The following TJAP1 variants were observed in gnomAD, a reference collection of about 807,000 sequenced individuals.
TJAP1 encodes the protein tight junction associated protein 1, also known as tight junction-associated protein 1.
Under a neutral mutation model 42.0 loss-of-function variants are expected in TJAP1, and 27 were observed. The ratio of observed to expected loss-of-function variants is 0.64; its 90% CI spans 0.47 to 0.89. TJAP1 has a LOEUF of 0.89. Ranked by LOEUF, TJAP1 falls within the 40% of genes least tolerant of loss-of-function variation. The probability of loss-of-function intolerance (pLI) is 0.00; values close to 1 mark genes in which losing one functional copy is unlikely to be tolerated. For missense variants in TJAP1, 712 were observed against 726.9 expected, an observed-to-expected ratio of 0.98 and a Z score of 0.24; for synonymous variants, 257 against 288.4, an observed-to-expected ratio of 0.89 and a Z score of 1.10.
At chr6:43,479,278 GT>G (rs1784829119) in intron 2 of TJAP1, among the ~76,000 whole-genome samples, 1 of 152,136 alleles carries the variant, frequency 6.6e-6, no homozygotes, top group South Asian at 2.1e-4. Context: ...CTCTGTACCT[GT>G]CCCCCCAATC....
At chr6:43,478,303 G>C (rs148472472) in intron 2 of TJAP1, 71 bp downstream of exon 2, 1 of 152,226 alleles carries the variant, frequency 6.6e-6, no homozygotes, top group Non-Finnish European at 1.5e-5. Flanking sequence ...GGCTTAGAGT[G>C]ATGCCAAGAA....
At chr6:43,477,866 T>G (rs954975399) in intron 1 of TJAP1, among the ~76,000 whole-genome samples, 2 of 152,080 alleles carry the variant, frequency 1.3e-5, no homozygotes, top group Non-Finnish European at 2.9e-5. Context: ...GAAGTAGGTG[T>G]TGTGCAGGCC....
intron 5 of TJAP1, 28 bp downstream of exon 5, chr6:43,500,800 C>T: frequency 6.2e-7 from 1 of 1,613,592 alleles, no homozygotes. Flanking sequence ...GAGATACTGC[C>T]CTGCCTCAAC....
chr6:43,505,696 C>T lies in TJAP1; in HGVS notation c.1515C>T (p.Gly505=). 1 of 1,599,408 alleles carries T rather than the reference C, an allele frequency of 6.3e-7. No individual in the cohort carries two copies. The highest frequency in any genetic ancestry group is 1.3e-5 in the African/African-American group (1 of 74,674). ...AGAGCCTGCTGCCCATTAACAGGGGCACAGAGGAGGGGCCAGGCACTTCCC... is the reference window on the plus strand; with the variant it reads ...AGAGCCTGCTGCCCATTAACAGGGGTACAGAGGAGGGGCCAGGCACTTCCC... Residue 505 remains glycine (G), a synonymous_variant, in exon 11 of 11, where the codon GGC becomes GGT. Coordinates refer to ENST00000372449, the Ensembl canonical transcript of TJAP1. The surrounding 1 kb of genome is among the most constrained non-coding windows in gnomAD (Gnocchi z 5.5).
At position 43,492,757 on chromosome 6, in the gene TJAP1, C is replaced by T. The variant is rs971893604; in HGVS notation, c.-121-5124C>T. On this transcript the variant is annotated intron_variant, in intron 2 of 10. Coordinates refer to ENST00000372449, the Ensembl canonical transcript of TJAP1. This position sits in a 1 kb window ranked among gnomAD's most constrained non-coding sequence, Gnocchi z 4.2. Reference sequence around the variant, plus strand: ...CCAGGTCACCTGGTTCCAGGGCTTACGCTTGCAGGGTGACCATTTGTGTTC... The same window carrying T: ...CCAGGTCACCTGGTTCCAGGGCTTATGCTTGCAGGGTGACCATTTGTGTTC... 2.6e-5 allele frequency among the ~76,000 whole-genome samples: 4 copies of T among 152,154 alleles called. No individual in the cohort carries two copies. The highest frequency in any genetic ancestry group is 7.2e-5 in the African/African-American group (3 of 41,432).
At chr6:43,479,337 G>C (rs1784846946) in intron 2 of TJAP1, among the ~76,000 whole-genome samples, 1 of 152,206 alleles carries the variant, frequency 6.6e-6, no homozygotes. Context: ...TACTAGGTCA[G>C]CTTCAGTACC....
Position 43,505,523 on chromosome 6 carries a change from C to G in TJAP1, c.1342C>G (p.His448Asp). Reference sequence around the variant, plus strand: ...CCCTGAGCTGCAGCGCCATTTTGCCCATAGCCCCGCTGACAGAGATGAGGT... The same window carrying G: ...CCCTGAGCTGCAGCGCCATTTTGCCGATAGCCCCGCTGACAGAGATGAGGT... The change falls in exon 11 of 11, where the codon CAT becomes GAT. Residue 448 changes from histidine to aspartate, a missense_variant. Transcript: ENST00000372449. This position sits in a 1 kb window ranked among gnomAD's most constrained non-coding sequence, Gnocchi z 5.5. 1.2e-6 allele frequency: 2 copies of G among 1,613,960 alleles called. No individual in the cohort carries two copies. The highest frequency in any genetic ancestry group is 1.7e-6 in the Non-Finnish European group (2 of 1,180,044).
At chr6:43,500,988 T>C in intron 5 of TJAP1, 1 of 590,524 alleles carries the variant, frequency 1.7e-6, no homozygotes, top group Non-Finnish European at 3.0e-6. Context: ...GAGCGTAGAA[T>C]CAGGAGGCGA....
Position 43,505,648 on chromosome 6 carries a change from T to TATCA in TJAP1, c.1468_1471dup (p.Ser491AsnfsTer4). ...GGGAGGAAGAAGAGCTGAACCTGCCTATCAGTCCTGAGGAAGAGCGCCAGA... is the reference window on the plus strand; with the variant it reads ...GGGAGGAAGAAGAGCTGAACCTGCCTATCAATCAGTCCTGAGGAAGAGCGCCAGA... On this transcript the variant is annotated frameshift_variant, in exon 11 of 11. Transcript: ENST00000372449. LOFTEE classifies it high-confidence loss of function. The surrounding 1 kb of genome is among the most constrained non-coding windows in gnomAD (Gnocchi z 5.5). The TATCA allele has an allele frequency of 6.2e-7, 1 of 1,613,254 alleles. No individual in the cohort carries two copies. Among genetic ancestry groups the TATCA allele is most frequent in the African/African-American group, 1.3e-5 (1 of 75,024 alleles).
At chr6:43,478,634 C>T (rs956029990) in intron 2 of TJAP1, 17 of 152,232 alleles carry the variant, frequency 1.1e-4, no homozygotes, top group African/African-American at 4.1e-4. Flanking sequence ...AAAACAAATT[C>T]TGATCGTGTT....
At chr6:43,481,947 G>A (rs888189415) in intron 2 of TJAP1, among the ~76,000 whole-genome samples, 1 of 152,164 alleles carries the variant, frequency 6.6e-6, no homozygotes, top group South Asian at 2.1e-4. Context: ...GGGGAATTGC[G>A]GGCTCAGGAC....
intron 2 of TJAP1, among the ~76,000 whole-genome samples, chr6:43,479,267 G>T (rs563016226): frequency 6.6e-6 from 1 of 152,162 alleles, no homozygotes; most frequent in Non-Finnish European, 1.5e-5. Flanking sequence ...TTTACTGTCT[G>T]CTCTGTACCT....
At chr6:43,501,655 G>A (rs762635116) in exon 6 of TJAP1, 1 of 1,485,382 alleles carries the variant, frequency 6.7e-7, no homozygotes, top group South Asian at 1.1e-5. Flanking sequence ...AGAGCCGCGA[G>A]GAGCTGGACA....
Position 43,505,138 on chromosome 6 carries a change from G to A in TJAP1, c.957G>A (p.Pro319=), listed in dbSNP as rs145820700. 1,784 of 1,614,118 alleles carry A rather than the reference G, an allele frequency of 1.1e-3. 6 individuals are homozygous for A. The highest frequency in any genetic ancestry group is 2.8e-3 in the South Asian group (251 of 91,084). ...AGAAGCTGAACCCCTACCCAACCCCGTCTCCACCACACCCACTGTATCCTG... is the reference window on the plus strand; with the variant it reads ...AGAAGCTGAACCCCTACCCAACCCCATCTCCACCACACCCACTGTATCCTG... The change falls in exon 11 of 11, where the codon CCG becomes CCA. Residue 319 remains proline (P), a synonymous_variant. Transcript: ENST00000372449. This position sits in a 1 kb window ranked among gnomAD's most constrained non-coding sequence, Gnocchi z 5.5.
chr6:43,496,435 G>A (rs941035775), intron 2 of TJAP1, among the ~76,000 whole-genome samples: 13 of 152,192 alleles, frequency 8.5e-5, no homozygotes, highest in Admixed American at 5.2e-4. Context: ...CCGCCCACCC[G>A]GATTCCTGTG....
intron 8 of TJAP1, 105 bp downstream of exon 8, chr6:43,502,722 C>T (rs1056177369): frequency 3.2e-5 from 40 of 1,258,994 alleles, no homozygotes; most frequent in African/African-American, 1.0e-4. Flanking sequence ...TGAGTACACC[C>T]GCTCCTTTCT....
chr6:43,493,599 GC>G (rs2127557497), intron 2 of TJAP1, among the ~76,000 whole-genome samples: 1 of 152,312 alleles, frequency 6.6e-6, no homozygotes, highest in African/African-American at 2.4e-5. Flanking sequence ...AAGGATGGAT[GC>G]TTGAACCTCC....
In TJAP1 at chr6:43,492,598, C is replaced by T. The variant is rs553168431; in HGVS notation, c.-121-5283C>T. ...AGGGGTACCCCGGAGACGATGTGGG[C>T]GAGGCCGAACCCAGTTTTGGTGGGA... On this transcript the variant is annotated intron_variant, in intron 2 of 10. Coordinates refer to ENST00000372449, the Ensembl canonical transcript of TJAP1. This position sits in a 1 kb window ranked among gnomAD's most constrained non-coding sequence, Gnocchi z 4.2. Among the ~76,000 whole-genome samples, 43 of 152,130 alleles carry T rather than the reference C, an allele frequency of 2.8e-4. 1 individual carries two copies. Among genetic ancestry groups the T allele is most frequent in the Admixed American group, 2.2e-3 (33 of 15,280 alleles).
exon 11 of TJAP1, chr6:43,506,297 G>A (rs1792352682): frequency 6.5e-6 from 1 of 152,976 alleles, no homozygotes; most frequent in South Asian, 2.1e-4. Context: ...TCCCCCCCCA[G>A]TCCTCCGCAT....
Sources: gnomAD v4.1 joint callset for allele counts (sites outside exome capture counted in the v4.1 genomes callset) on GRCh38, gnomAD v4.1.1 for gene constraint, Gnocchi (gnomAD v3.1) non-coding constraint, MANE v1.5 for transcripts, NCBI Gene and HGNC (gene_info 2026-07-23, HGNC 2026-07-21) for gene names.